KIF26B: variants seen among roughly 807,000 people sequenced by gnomAD.
The protein encoded by KIF26B is kinesin family member 26B, also known as kinesin-like protein KIF26B.
Under a neutral mutation model 151.2 loss-of-function variants are expected in KIF26B, and 63 were observed. The ratio of observed to expected loss-of-function variants is 0.42; its 90% confidence interval spans 0.34 to 0.51. The LOEUF (loss-of-function observed/expected upper bound fraction) is 0.51, where lower values mean the gene tolerates loss of function less well. Among genes scored for constraint, KIF26B ranks in the 20% least tolerant of loss-of-function variants. The pLI is 0.07. For synonymous variants in KIF26B, 1,357 were observed against 1,262.1 expected (o/e 1.08, Z -1.59); for missense variants, 2,813 against 2,913.6 (o/e 0.97, Z 0.79).
intron 10 of KIF26B, among the ~76,000 whole-genome samples, chr1:245,675,342 C>T (rs907250022): frequency 6.6e-6 from 1 of 152,122 alleles, no homozygotes; most frequent in African/African-American, 2.4e-5. Context: ...ACTGTGTGAC[C>T]CCAAAGCCCC....
chr1:245,566,292 G>A (rs1458881513), intron 5 of KIF26B, among the ~76,000 whole-genome samples: 1 of 152,242 alleles, frequency 6.6e-6, no homozygotes, highest in African/African-American at 2.4e-5. Context: ...CCTCTTGGTT[G>A]TGATGCCTCT....
chr1:245,603,793 CT>C (rs916134148), intron 6 of KIF26B, among the ~76,000 whole-genome samples: 18 of 152,196 alleles, frequency 1.2e-4, no homozygotes, highest in African/African-American at 4.1e-4. Flanking sequence ...GAAGAGATTG[CT>C]TCTAATGATT....
chr1:245,686,634 C>T lies in KIF26B; in HGVS notation c.3651C>T (p.Cys1217=), dbSNP rs1226566753. The T allele has an allele frequency of 6.2e-7, 1 of 1,610,884 alleles. No homozygotes were observed. Among genetic ancestry groups the T allele is most frequent in the Non-Finnish European group, 8.5e-7 (1 of 1,178,966 alleles). Residue 1217 remains cysteine, a synonymous_variant, in exon 12 of 15, where the codon TGC becomes TGT. Transcript: ENST00000407071. The surrounding 1 kb of genome is among the most constrained non-coding windows in gnomAD (Gnocchi z 5.6). ...PTSIISFNSD[C]SARALASGSR... ...GCATCATCAGCTTCAACAGCGACTG[C>T]TCTGCACGGGCCCTGGCCTCGGGCT...
chr1:245,521,313 C>A (rs1258055100), intron 4 of KIF26B, among the ~76,000 whole-genome samples: 2 of 150,624 alleles, frequency 1.3e-5, no homozygotes, highest in Non-Finnish European at 3.0e-5. Context: ...CTCCATCCAG[C>A]CTGAGTGACA....
intron 10 of KIF26B, 22 bp from the exon 11 acceptor site, chr1:245,684,211 C>A (rs1430492997): frequency 6.2e-7 from 1 of 1,607,724 alleles, no homozygotes; most frequent in Non-Finnish European, 8.5e-7. Flanking sequence ...GCTAATGCAG[C>A]CTAATTCACT....
intron 3 of KIF26B, among the ~76,000 whole-genome samples, chr1:245,416,556 A>G (rs1242649191): frequency 6.6e-6 from 1 of 152,136 alleles, no homozygotes; most frequent in African/African-American, 2.4e-5. Context: ...TATTAAATGC[A>G]TGATATGAAC....
At chr1:245,275,442 T>C (rs1487393119) in intron 2 of KIF26B, among the ~76,000 whole-genome samples, 2 of 152,210 alleles carry the variant, frequency 1.3e-5, no homozygotes. Flanking sequence ...GGTTTTCTTC[T>C]AGGGATTTTA....
intron 9 of KIF26B, among the ~76,000 whole-genome samples, chr1:245,635,568 TTTGATTCATCGACTTTTCTCCA>T (rs2043826070): frequency 6.6e-6 from 1 of 152,170 alleles, no homozygotes; most frequent in Non-Finnish European, 1.5e-5. Flanking sequence ...AGAACCAACT[TTTGATTCATCGACTTTTCTCCA>T]TTGTTTTTGG....
intron 5 of KIF26B, among the ~76,000 whole-genome samples, chr1:245,558,072 A>G (rs1215965850): frequency 6.6e-6 from 1 of 152,224 alleles, no homozygotes; most frequent in Non-Finnish European, 1.5e-5. Context: ...GATCAACTAC[A>G]GCCTCGTAGA....
chr1:245,390,294 T>C (rs1013069103), intron 3 of KIF26B, among the ~76,000 whole-genome samples: 1 of 151,930 alleles, frequency 6.6e-6, no homozygotes, highest in African/African-American at 2.4e-5. Context: ...CTCGGCTCAC[T>C]GCAACCTCCG....
intron 2 of KIF26B, among the ~76,000 whole-genome samples, chr1:245,341,074 C>T (rs774498888): frequency 2.6e-5 from 4 of 152,164 alleles, no homozygotes; most frequent in Non-Finnish European, 5.9e-5. Context: ...AATCCCAGTG[C>T]CTCAGATGTT....
intron 2 of KIF26B, among the ~76,000 whole-genome samples, chr1:245,179,355 G>A (rs1320333189): frequency 6.6e-6 from 1 of 152,200 alleles, no homozygotes; most frequent in Non-Finnish European, 1.5e-5. Context: ...CGGGCGCAGT[G>A]GCTCATGCCT....
At chr1:245,386,452 G>A (rs539967347) in intron 3 of KIF26B, among the ~76,000 whole-genome samples, 3 of 152,268 alleles carry the variant, frequency 2.0e-5, no homozygotes, top group African/African-American at 7.2e-5. Context: ...TTTGCTGAGC[G>A]ATGAGGGAGC....
chr1:245,585,953 C>CA (rs11392512), intron 5 of KIF26B, among the ~76,000 whole-genome samples: 22,271 of 152,204 alleles, frequency 0.15, 3,013 homozygotes, highest in African/African-American at 0.36. Context: ...GCAAGTTGCA[C>CA]AAACATTTTC....
intron 4 of KIF26B, among the ~76,000 whole-genome samples, chr1:245,457,177 T>C (rs1334068933): frequency 1.3e-5 from 2 of 152,262 alleles, no homozygotes; most frequent in African/African-American, 2.4e-5. Context: ...ATAAATGCTT[T>C]TTTAATGAGA....
Position 245,166,463 on chromosome 1 carries a change from A to G in KIF26B, c.465+9780A>G, listed in dbSNP as rs1668615832. On this transcript the variant is annotated intron_variant, in intron 2 of 14. Transcript: ENST00000407071. The surrounding 1 kb of genome is among the most constrained non-coding windows in gnomAD (Gnocchi z 4.5). ...TTAAGGGAGCTCAGTGGATGTAAAT[A>G]GCGACTCCTTTGGGTTGAGGTGCCA... is the stretch of plus-strand genomic sequence containing the variant. Among the ~76,000 whole-genome samples the G allele has an allele frequency of 6.6e-6, 1 of 152,212 alleles. No individual in the cohort carries two copies. The highest frequency in any genetic ancestry group is 1.5e-5 in the Non-Finnish European group (1 of 68,036).
At chr1:245,415,067 C>T (rs1395324649) in intron 3 of KIF26B, among the ~76,000 whole-genome samples, 1 of 152,202 alleles carries the variant, frequency 6.6e-6, no homozygotes, top group Non-Finnish European at 1.5e-5. Context: ...CAATAGCCAA[C>T]CAGTCTACAT....
At chr1:245,482,716 CT>C (rs1451016834) in intron 4 of KIF26B, among the ~76,000 whole-genome samples, 1 of 151,764 alleles carries the variant, frequency 6.6e-6, no homozygotes, top group Non-Finnish European at 1.5e-5. Context: ...ACATTCCCCG[CT>C]TCCCTCCTAC....
rs551269862 is a variant in KIF26B at position 245,278,048 on chromosome 1, A to G, written c.466-88786A>G. The stretch of plus-strand genomic sequence containing the variant: ...GTGAAGTTATTAAATACTGGGAGTG[A>G]GTAAAAGTGGGCAGGCAGGAAAATT... On this transcript the variant is annotated intron_variant, in intron 2 of 14. Transcript: ENST00000407071. Among the ~76,000 whole-genome samples the G allele has an allele frequency of 1.8e-4, 28 of 152,234 alleles. No individual in the cohort carries two copies. In the South Asian group the frequency reaches 5.8e-3, roughly 32 times the overall value.
Sources: gnomAD v4.1 joint callset for allele counts (sites outside exome capture counted in the v4.1 genomes callset) on GRCh38, gnomAD v4.1.1 for gene constraint, Gnocchi (gnomAD v3.1) non-coding constraint, MANE v1.5 for transcripts, NCBI Gene and HGNC (gene_info 2026-07-23, HGNC 2026-07-21) for gene names.